The following CFAP263 variants were observed in gnomAD, a reference collection of about 807,000 sequenced individuals.
CFAP263 encodes the protein cilia and flagella associated protein 263.
the CFAP263 span, among the ~76,000 whole-genome samples, chr16:58,269,122 C>CA: frequency 6.6e-6 from 1 of 152,064 alleles, no homozygotes; most frequent in Non-Finnish European, 1.5e-5. Context: ...CATTTGAGGT[C>CA]AGGAGTTCAA....
the CFAP263 span, among the ~76,000 whole-genome samples, chr16:58,266,391 ATATATATATATATATTTTT>A: frequency 3.0e-5 from 1 of 33,542 alleles, no homozygotes; most frequent in African/African-American, 1.3e-4. Context: ...ATATATATAT[ATATATATATATATATTTTT>A]TTTTTTTTTT....
At chr16:58,280,018 G>C in the CFAP263 span, 8 of 628,690 alleles carry the variant, frequency 1.3e-5, no homozygotes, top group Admixed American at 2.9e-5. Context: ...TTGTTAGCCA[G>C]CATTTAGTTC....
the CFAP263 span, among the ~76,000 whole-genome samples, chr16:58,266,247 T>G: frequency 6.6e-6 from 1 of 151,690 alleles, no homozygotes; most frequent in South Asian, 2.1e-4. Flanking sequence ...ACTGTGGCCC[T>G]GCTGCTCTCT....
chr16:58,280,397 CCTT>C, the CFAP263 span: 1 of 1,614,060 alleles, frequency 6.2e-7, no homozygotes, highest in Admixed American at 1.7e-5. Context: ...TCCTTTACAT[CCTT>C]CTCCCTAACA....
At chr16:58,277,613 C>T in the CFAP263 span, among the ~76,000 whole-genome samples, 1 of 110,092 alleles carries the variant, frequency 9.1e-6, no homozygotes, top group African/African-American at 4.3e-5. Context: ...TTTTTGTACA[C>T]CCATGTTGAC....
the CFAP263 span, among the ~76,000 whole-genome samples, chr16:58,272,918 C>T: frequency 5.3e-5 from 8 of 152,146 alleles, no homozygotes; most frequent in Non-Finnish European, 2.9e-5. Flanking sequence ...AAACCAAGAT[C>T]TGAGTGTGTT....
chr16:58,259,708 GAGTAGA>G, the CFAP263 span: 7 of 536,828 alleles, frequency 1.3e-5, no homozygotes, highest in African/African-American at 7.8e-5. Context: ...GCCCCAGCTT[GAGTAGA>G]AGTAAAAGGA....
At chr16:58,266,398 TA>T in the CFAP263 span, among the ~76,000 whole-genome samples, 1 of 36,882 alleles carries the variant, frequency 2.7e-5, no homozygotes, top group Non-Finnish European at 5.4e-5. Flanking sequence ...TATATATATA[TA>T]TATATATTTT....
At chr16:58,270,971 C>T in the CFAP263 span, among the ~76,000 whole-genome samples, 1 of 152,162 alleles carries the variant, frequency 6.6e-6, no homozygotes, top group Admixed American at 6.5e-5. Context: ...CTGTCAAATG[C>T]ACTCCATGTT....
At chr16:58,251,840 GTAAC>G in the CFAP263 span, among the ~76,000 whole-genome samples, 2 of 152,110 alleles carry the variant, frequency 1.3e-5, no homozygotes, top group Admixed American at 1.3e-4. Context: ...ATATGTGTGT[GTAAC>G]ACACACACAC....
At chr16:58,280,760 G>A in the CFAP263 span, 2 of 1,596,322 alleles carry the variant, frequency 1.3e-6, no homozygotes, top group Non-Finnish European at 8.6e-7. Context: ...GGGTCCCCCT[G>A]TGATAAAAGA....
At chr16:58,258,515 C>T in the CFAP263 span, 4 of 1,613,358 alleles carry the variant, frequency 2.5e-6, no homozygotes, top group South Asian at 1.1e-5. Context: ...GGACATGAAC[C>T]GCCGGAGGGT....
chr16:58,278,416 G>A, the CFAP263 span: 1 of 1,442,322 alleles, frequency 6.9e-7, no homozygotes, highest in Non-Finnish European at 9.7e-7. Context: ...AGATGGCAGG[G>A]CCAGTGAGTT....
the CFAP263 span, among the ~76,000 whole-genome samples, chr16:58,261,750 G>A: frequency 3.3e-5 from 5 of 152,166 alleles, no homozygotes; most frequent in Non-Finnish European, 7.3e-5. Context: ...AGTGAGGCAT[G>A]GGAGTGAGGA....
chr16:58,278,600 G>A, the CFAP263 span: 79 of 1,614,208 alleles, frequency 4.9e-5, 1 homozygote, highest in Middle Eastern at 6.6e-4. Context: ...CTGGAGAAGA[G>A]CATCAGGATG....
chr16:58,265,105 G>T, the CFAP263 span, among the ~76,000 whole-genome samples: 1 of 152,220 alleles, frequency 6.6e-6, no homozygotes. Context: ...CAGACTGCCT[G>T]TAAACTAGTG....
chr16:58,278,836 G>A, the CFAP263 span, among the ~76,000 whole-genome samples: 1 of 152,164 alleles, frequency 6.6e-6, no homozygotes, highest in Admixed American at 6.5e-5. Flanking sequence ...ATTGTTAGGG[G>A]CAGAGTCTTT....
At chr16:58,273,132 C>A in the CFAP263 span, among the ~76,000 whole-genome samples, 15 of 152,066 alleles carry the variant, frequency 9.9e-5, no homozygotes, top group Non-Finnish European at 1.9e-4. Context: ...TGCCATTTAA[C>A]ATTTTGAATA....
the CFAP263 span, chr16:58,267,378 G>T: frequency 2.5e-6 from 2 of 813,764 alleles, no homozygotes; most frequent in South Asian, 1.8e-5. Flanking sequence ...GGACTTTCTG[G>T]ATGGTCCTGC....
Sources: gnomAD v4.1 joint callset for allele counts (sites outside exome capture counted in the v4.1 genomes callset) on GRCh38, gnomAD v4.1.1 for gene constraint, MANE v1.5 for transcripts, NCBI Gene and HGNC (gene_info 2026-07-23, HGNC 2026-07-21) for gene names.